The following NELL1 variants were observed in gnomAD, a reference collection of about 807,000 sequenced individuals.
The protein encoded by NELL1 is neural EGFL like 1.
NELL1 carries 76 observed loss-of-function variants against 107.4 expected under a neutral mutation model. The observed-to-expected ratio is 0.71, with a 90% CI of 0.59 to 0.86. NELL1 has a LOEUF of 0.86. Ranked by LOEUF, NELL1 falls within the 40% of genes least tolerant of loss-of-function variation. The probability of loss-of-function intolerance (pLI) is 0.00; values close to 1 mark genes in which losing one functional copy is unlikely to be tolerated. For missense variants in NELL1, 1,024 were observed against 1,005.5 expected (o/e 1.02, Z -0.25); for synonymous variants, 353 against 341.2 (o/e 1.03, Z -0.38).
chr11:21,496,341 T>G (rs1162933210), intron 15 of NELL1, among the ~76,000 whole-genome samples: 2 of 151,804 alleles, frequency 1.3e-5, no homozygotes, highest in Non-Finnish European at 2.9e-5. Flanking sequence ...TTTGCATTTC[T>G]TAATTATTCT....
chr11:21,155,320 A>G (rs1856207635), intron 13 of NELL1, among the ~76,000 whole-genome samples: 1 of 152,078 alleles, frequency 6.6e-6, no homozygotes, highest in South Asian at 2.1e-4. Flanking sequence ...GGATTGGGTA[A>G]ATGGATGTGT....
Position 21,549,743 on chromosome 11 carries a change from G to A in NELL1, c.1787-10446G>A, listed in dbSNP as rs374710216. Among the ~76,000 whole-genome samples, 62 of 151,906 alleles carry A rather than the reference G, an allele frequency of 4.1e-4. 1 individual carries two copies. The South Asian group carries it at 0.013, about 31-fold the overall frequency. On this transcript the variant is annotated intron_variant, in intron 16 of 19. Transcript: ENST00000357134. ...CTGAGTGGCATTAAAGATACCAGCA[G>A]TATTAAAGATTTTAAAAACGTAATA... is the stretch of plus-strand genomic sequence containing the variant.
chr11:21,063,583 CTT>C (rs905678276), intron 12 of NELL1, among the ~76,000 whole-genome samples: 1 of 152,096 alleles, frequency 6.6e-6, no homozygotes, highest in Non-Finnish European at 1.5e-5. Context: ...CAAAGACACA[CTT>C]ATATTACTTG....
intron 14 of NELL1, among the ~76,000 whole-genome samples, chr11:21,230,711 G>C (rs551955399): frequency 1.3e-5 from 2 of 152,300 alleles, no homozygotes; most frequent in East Asian, 3.9e-4. Flanking sequence ...TTATGGATTG[G>C]ATTGGGGAAG....
chr11:20,721,008 T>C (rs1302651424), intron 2 of NELL1, among the ~76,000 whole-genome samples: 1 of 151,942 alleles, frequency 6.6e-6, no homozygotes, highest in African/African-American at 2.4e-5. Context: ...CTTTCTGTTT[T>C]CCAAGCTCAT....
intron 12 of NELL1, among the ~76,000 whole-genome samples, chr11:20,984,650 C>T (rs991099576): frequency 6.6e-6 from 1 of 151,764 alleles, no homozygotes; most frequent in Non-Finnish European, 1.5e-5. Context: ...CCTGGCCGGG[C>T]ATCTGCATGA....
intron 14 of NELL1, among the ~76,000 whole-genome samples, chr11:21,309,259 TGTATATATATATATATATATG>T (rs1166641912): frequency 2.4e-5 from 1 of 42,076 alleles, no homozygotes; most frequent in Non-Finnish European, 5.0e-5. Flanking sequence ...AATATATATA[TGTATATATATATATATATATG>T]TATATATATA....
At chr11:21,528,338 C>T (rs1340099708) in intron 15 of NELL1, among the ~76,000 whole-genome samples, 10 of 151,884 alleles carry the variant, frequency 6.6e-5, no homozygotes, top group Non-Finnish European at 1.5e-4. Flanking sequence ...GGAGGGGGGC[C>T]GAGTAGGAGG....
chr11:21,260,807 T>C (rs1485658340), intron 14 of NELL1: 1 of 151,914 alleles, frequency 6.6e-6, no homozygotes, highest in Non-Finnish European at 1.5e-5. Flanking sequence ...TATTAAAAAA[T>C]TAGCCAGAGC....
chr11:20,742,061 A>C (rs184563409), intron 2 of NELL1, among the ~76,000 whole-genome samples: 1 of 152,314 alleles, frequency 6.6e-6, no homozygotes, highest in East Asian at 1.9e-4. Context: ...AAACCAGCGA[A>C]GGAGCATTGT....
intron 14 of NELL1, among the ~76,000 whole-genome samples, chr11:21,315,436 T>G (rs556824520): frequency 0.019 from 2,846 of 152,134 alleles, 89 homozygotes; most frequent in African/African-American, 0.066. Flanking sequence ...AGATTCAGGA[T>G]GGGTTTAGGT....
chr11:21,536,062 C>A (rs185876843), intron 16 of NELL1, among the ~76,000 whole-genome samples: 3 of 152,054 alleles, frequency 2.0e-5, no homozygotes, highest in African/African-American at 4.8e-5. Context: ...TTTTTTAGTG[C>A]ACAAAGGACC....
intron 13 of NELL1, among the ~76,000 whole-genome samples, chr11:21,181,689 T>C (rs1358848253): frequency 6.6e-6 from 1 of 151,972 alleles, no homozygotes; most frequent in Non-Finnish European, 1.5e-5. Context: ...ACACTTAATT[T>C]TGTTAACATT....
chr11:21,189,110 A>G (rs553098832), intron 13 of NELL1, among the ~76,000 whole-genome samples: 7 of 151,964 alleles, frequency 4.6e-5, no homozygotes, highest in African/African-American at 7.3e-5. Flanking sequence ...TTGTCACTCA[A>G]TGTCATTGAG....
intron 13 of NELL1, among the ~76,000 whole-genome samples, chr11:21,154,178 T>C (rs942045348): frequency 6.6e-6 from 1 of 152,158 alleles, no homozygotes; most frequent in Non-Finnish European, 1.5e-5. Context: ...TTTTGTGAAG[T>C]TTGTATAATG....
At chr11:21,126,728 A>G (rs1468767098) in intron 13 of NELL1, among the ~76,000 whole-genome samples, 3 of 152,174 alleles carry the variant, frequency 2.0e-5, no homozygotes, top group Non-Finnish European at 4.4e-5. Context: ...CTTAAGATAC[A>G]TTTGGAAAGC....
At chr11:20,781,451 G>T (rs1856848297) in intron 2 of NELL1, among the ~76,000 whole-genome samples, 1 of 152,056 alleles carries the variant, frequency 6.6e-6, no homozygotes, top group Non-Finnish European at 1.5e-5. Context: ...CCATGGGGTT[G>T]GATGATATCA....
chr11:20,693,650 G>A (rs1854533111), intron 2 of NELL1, among the ~76,000 whole-genome samples: 1 of 152,120 alleles, frequency 6.6e-6, no homozygotes, highest in Non-Finnish European at 1.5e-5. Context: ...TCTGCCGAGA[G>A]ATCCGCTGTT....
At chr11:20,812,179 C>T (rs1857514353) in intron 3 of NELL1, among the ~76,000 whole-genome samples, 1 of 152,176 alleles carries the variant, frequency 6.6e-6, no homozygotes, top group African/African-American at 2.4e-5. Flanking sequence ...ACGTTTTCTG[C>T]ATCTATTGAG....
Sources: gnomAD v4.1 joint callset for allele counts (sites outside exome capture counted in the v4.1 genomes callset) on GRCh38, gnomAD v4.1.1 for gene constraint, MANE v1.5 for transcripts, NCBI Gene and HGNC (gene_info 2026-07-23, HGNC 2026-07-21) for gene names.